Variants in ZNF711 observed in about 807,000 individuals in gnomAD.
ZNF711 encodes the protein zinc finger protein 711.
A neutral mutation model predicts 43.5 loss-of-function variants in ZNF711; 3 were observed. That is an observed-to-expected ratio of 0.07 (90% CI 0.03 to 0.18). The LOEUF is 0.18. ZNF711 is among the 10% of genes least tolerant of loss of function. The probability of loss-of-function intolerance (pLI) is 1.00; values close to 1 mark genes in which losing one functional copy is unlikely to be tolerated. For missense variants in ZNF711, 412 were observed against 604.0 expected, an observed-to-expected ratio of 0.68 and a Z score of 3.33; for synonymous variants, 209 against 207.7, an observed-to-expected ratio of 1.01 and a Z score of -0.06.
chrX:85,269,900 C>G (rs934563623), intron 9 of ZNF711, 103 bp from the exon 10 acceptor site: 98 of 814,755 alleles, frequency 1.2e-4, no homozygotes, highest in Non-Finnish European at 1.8e-4. Context: ...AATTTACTAC[C>G]AGAGTGGTAA....
At chrX:85,263,968 T>C (rs2147852629) in intron 5 of ZNF711, among the ~76,000 whole-genome samples, 1 of 110,539 alleles carries the variant, frequency 9.0e-6, no homozygotes, top group South Asian at 3.8e-4. Flanking sequence ...TGTGTAGTGG[T>C]GGGGTTTGGG....
chrX:85,247,745 A>G, intron 4 of ZNF711, 94 bp downstream of exon 4: 1 of 711,907 alleles, frequency 1.4e-6, no homozygotes. Flanking sequence ...AATTACAATG[A>G]AAACTTGTTC....
chrX:85,258,296 G>A (rs1209273990), intron 5 of ZNF711, among the ~76,000 whole-genome samples: 2 of 110,832 alleles, frequency 1.8e-5, no homozygotes, highest in Non-Finnish European at 3.8e-5. Flanking sequence ...CCAAATATAT[G>A]TTTTCTCTCA....
chrX:85,263,566 T>A (rs1765470883), intron 5 of ZNF711, among the ~76,000 whole-genome samples: 1 of 110,351 alleles, frequency 9.1e-6, no homozygotes, highest in African/African-American at 3.3e-5. Context: ...TTCTCTGTGT[T>A]TCTTTTTTTA....
intron 5 of ZNF711, among the ~76,000 whole-genome samples, chrX:85,261,920 A>G (rs1259867790): frequency 9.0e-6 from 1 of 111,158 alleles, no homozygotes; most frequent in Non-Finnish European, 1.9e-5. Flanking sequence ...TTATTTCTAA[A>G]GTCAGTTGAT....
intron 9 of ZNF711, among the ~76,000 whole-genome samples, chrX:85,269,334 GTTTCTTTTC>G (rs1296164143): frequency 1.5e-4 from 16 of 107,421 alleles, no homozygotes; most frequent in Admixed American, 1.2e-3. Context: ...TTCAAATTCA[GTTTCTTTTC>G]TTTCTTTTTT....
chrX:85,270,251 G>T, intron 10 of ZNF711, 105 bp downstream of exon 10: 1 of 831,103 alleles, frequency 1.2e-6, no homozygotes, highest in Non-Finnish European at 1.7e-6. Context: ...TACTCTCCAT[G>T]TACCTGTTTG....
At chrX:85,259,398 A>G (rs1308020352) in intron 5 of ZNF711, among the ~76,000 whole-genome samples, 1 of 110,996 alleles carries the variant, frequency 9.0e-6, no homozygotes, top group East Asian at 2.8e-4. Context: ...TTGGTTCCTT[A>G]TGAATTTTAG....
In ZNF711 at chrX:85,267,918, C is replaced by G. The variant is rs140952822; in HGVS notation, c.1055-376C>G. ...TAACGTACAAGATGGTCCAGGTATACTCTTTACTTTGAAAAATTTTGATGT... is the reference window on the plus strand; with the variant it reads ...TAACGTACAAGATGGTCCAGGTATAGTCTTTACTTTGAAAAATTTTGATGT... On this transcript the variant is annotated intron_variant, in intron 8 of 10. Coordinates refer to ENST00000674551, the MANE Select transcript of ZNF711 (RefSeq NM_001330574.2). Among the ~76,000 whole-genome samples the G allele has an allele frequency of 7.9e-3, 875 of 111,282 alleles. 11 individuals are homozygous for G. Among genetic ancestry groups the G allele is most frequent in the African/African-American group, 0.027 (826 of 30,713 alleles).
At chrX:85,252,792 G>GA (rs202050039) in intron 4 of ZNF711, among the ~76,000 whole-genome samples, 23,623 of 110,064 alleles carry the variant, frequency 0.21, 2,441 homozygotes, top group African/African-American at 0.4. Flanking sequence ...GAGAGTTTGA[G>GA]CGGTGAGAAG....
rs1157584062 is a variant in ZNF711 at position 85,255,764 on chromosome X, TGTC to T, written c.586_588del (p.Val196del). 8.3e-7 allele frequency: 1 copy of T among 1,210,902 alleles called. No homozygotes were observed. Among genetic ancestry groups the T allele is most frequent in the Non-Finnish European group, 1.1e-6 (1 of 895,263 alleles). ...AAACCGAAGATGATGATGATGATGA[TGTC>T]AAGAGCACTTCTGAAGACTACTTAA... is the stretch of plus-strand genomic sequence containing the variant. On this transcript the variant is annotated inframe_deletion, in exon 5 of 11. Transcript: ENST00000674551.
chrX:85,265,123 A>G lies in ZNF711; in HGVS notation c.784A>G (p.Thr262Ala). ...EAEDDVEIGG[T>A]EIVTESEYTS... ...TGCGTGTTTTAATTTTTAAGGTGGA[A>G]CAGAAATTGTCACAGAGAGTGAGTA... The change falls in exon 7 of 11, where the codon ACA (threonine) becomes GCA (alanine). Residue 262 changes from threonine (T) to alanine (A), a missense_variant. Thr to Ala is a moderately conservative substitution (Grantham distance 58, BLOSUM62 0). This residue lies in a region of ZNF711 where 375 missense variants were observed against 514.2 expected (regional missense o/e 0.73). Transcript: ENST00000674551. The G allele has an allele frequency of 8.3e-7, 1 of 1,208,338 alleles. No homozygotes were observed. Among genetic ancestry groups the G allele is most frequent in the Non-Finnish European group, 1.1e-6 (1 of 893,222 alleles).
In ZNF711 at chrX:85,270,151, A is replaced by G; in HGVS notation, c.1246+5A>G. ...AAACCAGGCAGTGGCAAACAGGTAA[A>G]TACTTTGCTTTATGAATATTATAAT... is the stretch of plus-strand genomic sequence containing the variant. On this transcript the variant is annotated splice_donor_5th_base_variant and intron_variant, in intron 10 of 10. Transcript: ENST00000674551. The G allele has an allele frequency of 8.3e-7, 1 of 1,206,007 alleles. No homozygotes were observed. Among genetic ancestry groups the G allele is most frequent in the Non-Finnish European group, 1.1e-6 (1 of 892,191 alleles).
Position 85,247,657 on chromosome X carries a change from G to A in ZNF711, c.79+6G>A, listed in dbSNP as rs373653025. The A allele has an allele frequency of 8.7e-5, 104 of 1,200,815 alleles. No individual in the cohort carries two copies. Among genetic ancestry groups the A allele is most frequent in the South Asian group, 1.2e-4 (7 of 56,541 alleles). On this transcript the variant is annotated splice_donor_region_variant and intron_variant, in intron 4 of 10. Transcript: ENST00000674551. ...CATGATTATGCAAGATTTTGGTAAA[G>A]CATTTTCTTTGTTGTATTTTTTTCT...
chrX:85,255,403 A>G lies in ZNF711; in HGVS notation c.224A>G (p.Asp75Gly), dbSNP rs1930032287. 8.3e-7 allele frequency: 1 copy of G among 1,209,868 alleles called. No individual in the cohort carries two copies. The highest frequency in any genetic ancestry group is 1.8e-5 in the South Asian group (1 of 56,780). ...GCAGCTGAAGTTGTCCATGGACCTG[A>G]TATCATCACAGAGACTGATGTAGTA... ...GLAAEVVHGP[D>G]IITETDVVTE... is the part of the protein sequence containing the mutation. The change falls in exon 5 of 11, where the codon GAT becomes GGT. Residue 75 changes from aspartate (D) to glycine (G), a missense_variant. By Grantham distance (94) the Asp-to-Gly change is moderately conservative (BLOSUM62 -1). This residue lies in a region of ZNF711 where 375 missense variants were observed against 514.2 expected (regional missense o/e 0.73). Transcript: ENST00000674551.
intron 4 of ZNF711, among the ~76,000 whole-genome samples, chrX:85,251,493 T>C (rs1929549922): frequency 9.0e-6 from 1 of 111,546 alleles, no homozygotes; most frequent in Non-Finnish European, 1.9e-5. Flanking sequence ...GATTTTATGC[T>C]GTCATTCTGG....
In ZNF711 at chrX:85,255,521, T is replaced by C; in HGVS notation, c.342T>C (p.Thr114=). ...AAGATGATGGTGATCACATCTTGAC[T>C]TCTGAACTAATTACAGAAACCGTTA... ...LEEDDGDHIL[T]SELITETVRV... is the part of the protein sequence containing the mutation. Residue 114 remains threonine (T), a synonymous_variant, in exon 5 of 11, where the codon ACT becomes ACC. Transcript: ENST00000674551. The C allele has an allele frequency of 8.3e-7, 1 of 1,212,021 alleles. No individual in the cohort carries two copies.
Position 85,264,326 on chromosome X carries a change from T to C in ZNF711, c.674T>C (p.Ile225Thr), listed in dbSNP as rs774261757. 8.3e-7 allele frequency: 1 copy of C among 1,204,338 alleles called. No individual in the cohort carries two copies. The highest frequency in any genetic ancestry group is 2.2e-5 in the Admixed American group (1 of 45,782). ...LEHMGNTPLK[I>T]GSDGSQEDAK... ...CATATGGGGAATACACCATTAAAAA[T>C]TGGCAGTGATGGTTCACAAGAAGAT... The change falls in exon 6 of 11, where the codon ATT becomes ACT. Residue 225 changes from isoleucine (I) to threonine (T), a missense_variant. Physicochemically the swap from Ile to Thr is moderately conservative, Grantham distance 89. Around this residue, in one of 4 missense-constraint regions of ZNF711, gnomAD observed 375 missense variants for 514.2 expected, o/e 0.73. Transcript: ENST00000674551.
At chrX:85,252,975 C>T (rs1301663346) in intron 4 of ZNF711, among the ~76,000 whole-genome samples, 1 of 112,006 alleles carries the variant, frequency 8.9e-6, no homozygotes, top group African/African-American at 3.2e-5. Flanking sequence ...AAATAACACT[C>T]TTTCAGGTAC....
Sources: allele counts gnomAD v4.1 joint callset (sites outside exome capture counted in the v4.1 genomes callset), GRCh38; gene constraint gnomAD v4.1.1; regional missense constraint gnomAD v4.1.1; transcripts MANE v1.5; gene names NCBI Gene and HGNC (gene_info 2026-07-23, HGNC 2026-07-21).